Variants in ROBO1 observed in about 807,000 individuals in gnomAD.
The protein encoded by ROBO1 is roundabout guidance receptor 1.
A neutral mutation model predicts 195.9 loss-of-function variants in ROBO1; 149 were observed. The observed-to-expected ratio is 0.76, with a 90% CI of 0.67 to 0.87. The LOEUF (loss-of-function observed/expected upper bound fraction) is 0.87. Ranked by LOEUF, ROBO1 falls within the 40% of genes least tolerant of loss-of-function variation. The pLI is 0.00. For synonymous variants in ROBO1, 816 were observed against 733.2 expected (o/e 1.11, Z -1.82); for missense variants, 1,933 against 2,068.3 (o/e 0.93, Z 1.27).
rs1253875480 is a variant in ROBO1 at position 78,631,251 on chromosome 3, C to T, written c.3536G>A (p.Gly1179Asp). ...AGGAAGCAGGTCTGCCCAGTTCATGCCACCCTGTTTTGGTACCTTGGGTGT... is the reference window on the plus strand; with the variant it reads ...AGGAAGCAGGTCTGCCCAGTTCATGTCACCCTGTTTTGGTACCTTGGGTGT... ...ARTPKVPKQGGMNWADLLPPP... is the reference protein window; with the variant it reads ...ARTPKVPKQGDMNWADLLPPP... The change falls in exon 25 of 31, where the codon GGC becomes GAC. Residue 1179 changes from glycine to aspartate, a missense_variant. Gly to Asp is a moderately conservative substitution (Grantham distance 94). Around this residue, in one of 3 missense-constraint regions of ROBO1, gnomAD observed 1,737 missense variants for 1,882.5 expected, o/e 0.92. Transcript: ENST00000464233. 4 of 1,613,350 alleles carry T rather than the reference C, an allele frequency of 2.5e-6. No homozygotes were observed. Among genetic ancestry groups the T allele is most frequent in the Non-Finnish European group, 3.4e-6 (4 of 1,179,672 alleles).
At chr3:79,364,480 A>G (rs948849160) in intron 2 of ROBO1, among the ~76,000 whole-genome samples, 1 of 151,830 alleles carries the variant, frequency 6.6e-6, no homozygotes, top group Non-Finnish European at 1.5e-5. Flanking sequence ...CATGCCACTC[A>G]TATATATTTT....
At chr3:79,037,633 C>T (rs1367514259) in intron 3 of ROBO1, among the ~76,000 whole-genome samples, 1 of 152,026 alleles carries the variant, frequency 6.6e-6, no homozygotes, top group Non-Finnish European at 1.5e-5. Flanking sequence ...ATAGTCGGCT[C>T]TTAATGTGCA....
At chr3:78,836,548 C>G (rs2032746577) in intron 4 of ROBO1, among the ~76,000 whole-genome samples, 1 of 147,400 alleles carries the variant, frequency 6.8e-6, no homozygotes, top group Admixed American at 6.8e-5. Flanking sequence ...TAAAATCCCT[C>G]CTATTGAATA....
chr3:79,593,650 A>T (rs571480164), intron 1 of ROBO1, among the ~76,000 whole-genome samples: 1 of 151,882 alleles, frequency 6.6e-6, no homozygotes, highest in South Asian at 2.1e-4. Flanking sequence ...TTGCTCTGTC[A>T]CCCAGACTGG....
chr3:79,738,664 A>C (rs963050045), intron 1 of ROBO1, among the ~76,000 whole-genome samples: 5 of 152,210 alleles, frequency 3.3e-5, no homozygotes, highest in African/African-American at 1.2e-4. Flanking sequence ...TTGAGTTAAA[A>C]TGGGGAAAAG....
At chr3:79,307,370 A>G (rs534252059) in intron 2 of ROBO1, among the ~76,000 whole-genome samples, 1 of 152,262 alleles carries the variant, frequency 6.6e-6, no homozygotes, top group African/African-American at 2.4e-5. Context: ...AAATGATTTC[A>G]CATCTGGTGA....
At chr3:78,775,267 T>C (rs1231482670) in intron 4 of ROBO1, among the ~76,000 whole-genome samples, 1 of 152,214 alleles carries the variant, frequency 6.6e-6, no homozygotes, top group Non-Finnish European at 1.5e-5. Flanking sequence ...CACTAGCTCA[T>C]GTGTGTAATT....
At chr3:79,466,214 A>G (rs1054700337) in intron 2 of ROBO1, among the ~76,000 whole-genome samples, 1 of 152,192 alleles carries the variant, frequency 6.6e-6, no homozygotes, top group Non-Finnish European at 1.5e-5. Context: ...AATACAGACT[A>G]TAATTAGTGA....
chr3:78,619,094 G>C (rs1464824778), intron 26 of ROBO1, among the ~76,000 whole-genome samples: 1 of 152,146 alleles, frequency 6.6e-6, no homozygotes, highest in Non-Finnish European at 1.5e-5. Context: ...AGGAGTCCTT[G>C]GTCAGTGACT....
At chr3:79,077,521 T>C (rs993974766) in intron 3 of ROBO1, among the ~76,000 whole-genome samples, 4 of 151,836 alleles carry the variant, frequency 2.6e-5, no homozygotes, top group Admixed American at 6.6e-5. Flanking sequence ...ATCAGAGAAA[T>C]ATAATTTTAG....
intron 2 of ROBO1, among the ~76,000 whole-genome samples, chr3:79,510,261 G>A (rs1233942280): frequency 2.6e-5 from 4 of 152,156 alleles, no homozygotes; most frequent in Non-Finnish European, 4.4e-5. Flanking sequence ...ATGACAGTGA[G>A]TGAGTTCTCA....
At chr3:78,854,577 C>T (rs890290768) in intron 4 of ROBO1, among the ~76,000 whole-genome samples, 5 of 136,948 alleles carry the variant, frequency 3.7e-5, no homozygotes, top group Non-Finnish European at 6.1e-5. Flanking sequence ...ATTTTAACTT[C>T]TTCTTTATTC....
intron 4 of ROBO1, among the ~76,000 whole-genome samples, chr3:78,803,557 G>A (rs2084434102): frequency 6.6e-6 from 1 of 152,114 alleles, no homozygotes; most frequent in African/African-American, 2.4e-5. Context: ...GTTCCTGCGA[G>A]TAAGTCGTCT....
chr3:79,299,738 G>A (rs925275813), intron 2 of ROBO1, among the ~76,000 whole-genome samples: 3 of 151,402 alleles, frequency 2.0e-5, no homozygotes, highest in Non-Finnish European at 4.4e-5. Flanking sequence ...GAAATCCATC[G>A]AAAAGTTGAA....
intron 2 of ROBO1, among the ~76,000 whole-genome samples, chr3:79,377,104 T>A (rs945862328): frequency 6.6e-6 from 1 of 152,096 alleles, no homozygotes; most frequent in Non-Finnish European, 1.5e-5. Flanking sequence ...CTGAGAAACA[T>A]AACACCTACT....
intron 2 of ROBO1, among the ~76,000 whole-genome samples, chr3:79,275,739 C>A (rs939086817): frequency 1.3e-5 from 2 of 151,892 alleles, no homozygotes; most frequent in Non-Finnish European, 2.9e-5. Flanking sequence ...AACCTAAAGA[C>A]TTCACCAAAA....
intron 4 of ROBO1, among the ~76,000 whole-genome samples, chr3:78,918,763 A>G (rs957824690): frequency 2.0e-5 from 3 of 151,884 alleles, no homozygotes; most frequent in African/African-American, 4.8e-5. Context: ...ACAAATATCC[A>G]TATGTCCCAC....
intron 2 of ROBO1, among the ~76,000 whole-genome samples, chr3:79,386,349 AG>A (rs1410286849): frequency 6.6e-6 from 1 of 152,144 alleles, no homozygotes. Flanking sequence ...GGGAAGAGGA[AG>A]GAAAATAAAA....
At chr3:79,536,852 A>T (rs370093651) in intron 2 of ROBO1, among the ~76,000 whole-genome samples, 4 of 152,282 alleles carry the variant, frequency 2.6e-5, no homozygotes, top group South Asian at 4.1e-4. Flanking sequence ...GAGATCTCAG[A>T]TAACATTCTT....
Sources: allele counts gnomAD v4.1 joint callset (sites outside exome capture counted in the v4.1 genomes callset), GRCh38; gene constraint gnomAD v4.1.1; regional missense constraint gnomAD v4.1.1; transcripts MANE v1.5; gene names NCBI Gene and HGNC (gene_info 2026-07-23, HGNC 2026-07-21).